Variants in SECISBP2 observed in about 807,000 individuals in gnomAD.
SECISBP2 encodes the protein selenocysteine insertion sequence-binding protein 2.
A neutral mutation model predicts 98.2 loss-of-function variants in SECISBP2; 96 were observed. The observed-to-expected ratio is 0.98, with a 90% CI of 0.83 to 1.16. The LOEUF is 1.16. Ranked by LOEUF, SECISBP2 falls within the 50% of genes most tolerant of loss-of-function variation. SECISBP2 has a pLI of 0.00. For synonymous variants in SECISBP2, 407 were observed against 370.2 expected (o/e 1.10, Z -1.14); for missense variants, 1,046 against 1,022.9 (o/e 1.02, Z -0.31).
At chr9:89,333,725 AAGT>A (rs1284189837) in intron 6 of SECISBP2, among the ~76,000 whole-genome samples, 3 of 152,238 alleles carry the variant, frequency 2.0e-5, no homozygotes, top group Non-Finnish European at 4.4e-5. Flanking sequence ...CCTGGCCAAG[AAGT>A]AATATTTTCA....
intron 7 of SECISBP2, among the ~76,000 whole-genome samples, chr9:89,338,178 G>A (rs1048679064): frequency 3.9e-5 from 6 of 152,170 alleles, no homozygotes; most frequent in Non-Finnish European, 8.8e-5. Context: ...GGAAGGTCAC[G>A]AACACCATGA....
chr9:89,344,042 GTTTTGA>G (rs1379837710), intron 10 of SECISBP2, among the ~76,000 whole-genome samples: 1 of 152,152 alleles, frequency 6.6e-6, no homozygotes, highest in Non-Finnish European at 1.5e-5. Context: ...TCTCATTGTG[GTTTTGA>G]TTTGCATTTC....
intron 7 of SECISBP2, among the ~76,000 whole-genome samples, 170 bp from the exon 8 acceptor site, chr9:89,338,288 T>C (rs958204801): frequency 1.3e-5 from 2 of 152,132 alleles, no homozygotes; most frequent in African/African-American, 4.8e-5. Context: ...CCTTCAGAAC[T>C]ATTCTAGTGA....
chr9:89,358,918 TTG>T lies in SECISBP2; in HGVS notation c.*98_*99del, dbSNP rs748698896. ...CTTCTGTTTTTCATGACAATGTAAT[TTG>T]TGTAACTGTTGAATCTGGAAATTGA... On this transcript the variant is annotated 3_prime_UTR_variant, in exon 17 of 17. Coordinates refer to ENST00000375807, the MANE Select transcript of SECISBP2 (RefSeq NM_024077.5). 1.3e-6 allele frequency: 1 copy of T among 787,776 alleles called. No individual in the cohort carries two copies. Among genetic ancestry groups the T allele is most frequent in the Non-Finnish European group, 2.2e-6 (1 of 459,808 alleles). 48.8% of individuals were successfully genotyped at this position (787,776 alleles called of 1,614,324 possible). A position where few individuals can be genotyped will look rare whatever the true frequency, so the allele number is the denominator to read the frequency against.
At chr9:89,355,872 C>T (rs887527047) in intron 14 of SECISBP2, among the ~76,000 whole-genome samples, 4 of 152,172 alleles carry the variant, frequency 2.6e-5, no homozygotes, top group Non-Finnish European at 5.9e-5. Flanking sequence ...CATCAAACTC[C>T]GGTTTTTTCT....
chr9:89,349,872 C>G lies in SECISBP2; in HGVS notation c.1835C>G (p.Ser612Cys). The G allele has an allele frequency of 6.2e-7, 1 of 1,614,214 alleles. No individual in the cohort carries two copies. Among genetic ancestry groups the G allele is most frequent in the Non-Finnish European group, 8.5e-7 (1 of 1,180,022 alleles). ...GTELQRDTEASHLAPNHTTFP... is the reference protein window; with the variant it reads ...GTELQRDTEACHLAPNHTTFP... ...GAGCTCCAGAGGGACACAGAGGCCT[C>G]CCACCTTGCTCCCAATCACACCACC... The change falls in exon 13 of 17, where the codon TCC (serine) becomes TGC (cysteine). Residue 612 changes from serine to cysteine, a missense_variant. Ser to Cys is a moderately radical substitution (Grantham distance 112, BLOSUM62 -1). Transcript: ENST00000375807.
chr9:89,340,152 TAA>T (rs909239795), intron 9 of SECISBP2, among the ~76,000 whole-genome samples, 199 bp downstream of exon 9: 1 of 152,158 alleles, frequency 6.6e-6, no homozygotes. Context: ...TATTTGATAA[TAA>T]GACTTATTTT....
chr9:89,335,318 T>C (rs1404215184), intron 7 of SECISBP2, among the ~76,000 whole-genome samples: 4 of 152,162 alleles, frequency 2.6e-5, no homozygotes, highest in African/African-American at 9.7e-5. Context: ...TTTGATTACG[T>C]TGATTTTCTG....
At chr9:89,364,156 C>T (rs1289337691), downstream of SECISBP2, 3 of 1,043,068 alleles carry the variant, frequency 2.9e-6, no homozygotes, top group Non-Finnish European at 4.1e-6. Flanking sequence ...CTGTGGACTT[C>T]CTGCTCTTTG....
chr9:89,328,811 G>C lies in SECISBP2; in HGVS notation c.726G>C (p.Trp242Cys), dbSNP rs1827223819. 4 of 1,614,198 alleles carry C rather than the reference G, an allele frequency of 2.5e-6. No individual in the cohort carries two copies. Among genetic ancestry groups the C allele is most frequent in the Non-Finnish European group, 3.4e-6 (4 of 1,180,022 alleles). The change falls in exon 5 of 17, where the codon TGG (tryptophan) becomes TGC (cysteine). Residue 242 changes from tryptophan (W) to cysteine (C), a missense_variant. Coordinates refer to ENST00000375807, the MANE Select transcript of SECISBP2 (RefSeq NM_024077.5). ...CAGAGATACAGAAGCAACCCAAGTG[G>C]GGACCTGTCCACTCTGTCTCTACCG... ...NMSEIQKQPK[W>C]GPVHSVSTDI...
rs960821560 is a variant in SECISBP2, at chr9:89,358,915, A to C, written c.*91A>C. 4.5e-5 allele frequency: 36 copies of C among 799,290 alleles called. No individual in the cohort carries two copies. The Admixed American group carries it at 7.0e-4, about 15-fold the overall frequency. The allele number at this position is 799,290 out of a possible 1,614,324, so 49.5% of individuals were successfully genotyped here. A position where few individuals can be genotyped will look rare whatever the true frequency, so the allele number is the denominator to read the frequency against. ...TTTCTTCTGTTTTTCATGACAATGT[A>C]ATTTGTGTAACTGTTGAATCTGGAA... On this transcript the variant is annotated 3_prime_UTR_variant, in exon 17 of 17. Coordinates refer to ENST00000375807, the MANE Select transcript of SECISBP2 (RefSeq NM_024077.5).
intron 1 of SECISBP2, among the ~76,000 whole-genome samples, 168 bp from the exon 2 acceptor site, chr9:89,319,484 T>C (rs1825311690): frequency 6.6e-6 from 1 of 152,118 alleles, no homozygotes; most frequent in Non-Finnish European, 1.5e-5. Flanking sequence ...AAAAAAGCAT[T>C]GGGGAGAAAT....
At chr9:89,363,944 G>A, downstream of SECISBP2, 1 of 1,614,080 alleles carries the variant, frequency 6.2e-7, no homozygotes, top group South Asian at 1.1e-5. Context: ...GCGAATGTCT[G>A]CAGGACCTGG....
intron 6 of SECISBP2, among the ~76,000 whole-genome samples, chr9:89,333,255 TC>T (rs1345365609): frequency 6.6e-6 from 1 of 152,208 alleles, no homozygotes; most frequent in Non-Finnish European, 1.5e-5. Context: ...AGTAACTACT[TC>T]CTTTAGTATT....
chr9:89,355,504 C>G (rs1025631020), intron 14 of SECISBP2: 1 of 962,776 alleles, frequency 1.0e-6, no homozygotes, highest in Non-Finnish European at 1.2e-6. Flanking sequence ...ATGTTGACCT[C>G]TTTTAGATTG....
At chr9:89,348,972 T>A (rs1471258731) in intron 12 of SECISBP2, among the ~76,000 whole-genome samples, 1 of 152,228 alleles carries the variant, frequency 6.6e-6, no homozygotes, top group Non-Finnish European at 1.5e-5. Flanking sequence ...CGGACAGTGT[T>A]GTATGTGTCT....
Position 89,358,772 on chromosome 9 carries a change from TAGA to T in SECISBP2, c.2518_2520del (p.Glu840del). ...GCATACAGTGGATGTACCCTGGAGC[TAGA>T]AGAATCCTTGGAGGCTTCAACCTCT... On this transcript the variant is annotated inframe_deletion, in exon 17 of 17. Coordinates refer to ENST00000375807, the MANE Select transcript of SECISBP2 (RefSeq NM_024077.5). 3 of 1,614,042 alleles carry T rather than the reference TAGA, an allele frequency of 1.9e-6. No individual in the cohort carries two copies. The highest frequency in any genetic ancestry group is 2.5e-6 in the Non-Finnish European group (3 of 1,179,866).
intron 10 of SECISBP2, among the ~76,000 whole-genome samples, chr9:89,344,489 G>T (rs544224855): frequency 1.5e-4 from 23 of 152,254 alleles, no homozygotes; most frequent in African/African-American, 4.1e-4. Context: ...TTTTGTATGT[G>T]GTGTAAGGAA....
At position 89,358,136 on chromosome 9, in the gene SECISBP2, C is replaced by G; in HGVS notation, c.2406C>G (p.Ser802Arg). Reference sequence around the variant, plus strand: ...CCAGCCTACCCACACAGGGCCCCAGCTGCCCTGCAGAAGATGGCCCCCCAG... The same window carrying G: ...CCAGCCTACCCACACAGGGCCCCAGGTGCCCTGCAGAAGATGGCCCCCCAG... ...APPSLPTQGP[S>R]CPAEDGPPAL... Residue 802 changes from serine to arginine, a missense_variant, in exon 16 of 17, where the codon AGC becomes AGG. Physicochemically the swap from Ser to Arg is moderately radical, Grantham distance 110 (BLOSUM62 -1). Transcript: ENST00000375807. 1.2e-6 allele frequency: 2 copies of G among 1,613,816 alleles called. No individual in the cohort carries two copies. The highest frequency in any genetic ancestry group is 1.7e-6 in the Non-Finnish European group (2 of 1,179,934).
Sources: allele counts gnomAD v4.1 joint callset (sites outside exome capture counted in the v4.1 genomes callset), GRCh38; gene constraint gnomAD v4.1.1; transcripts MANE v1.5; gene names NCBI Gene and HGNC (gene_info 2026-07-23, HGNC 2026-07-21).